IPCEF1: variants seen among roughly 807,000 people sequenced by gnomAD.
The protein encoded by IPCEF1 is interaction protein for cytohesin exchange factors 1.
A neutral mutation model predicts 50.9 loss-of-function variants in IPCEF1; 31 were observed. The ratio of observed to expected loss-of-function variants is 0.61; its 90% CI spans 0.46 to 0.82. The LOEUF (loss-of-function observed/expected upper bound fraction) is 0.82, where lower values mean the gene tolerates loss of function less well. Among genes scored for constraint, IPCEF1 ranks in the 40% least tolerant of loss-of-function variants. The probability of loss-of-function intolerance (pLI) is 0.00; values close to 1 mark genes in which losing one functional copy is unlikely to be tolerated. For missense variants in IPCEF1, 458 were observed against 514.0 expected (o/e 0.89, Z 1.05); for synonymous variants, 181 against 192.0 (o/e 0.94, Z 0.47).
chr6:154,352,216 C>T (rs1487951863), intron 1 of IPCEF1, among the ~76,000 whole-genome samples: 2 of 151,974 alleles, frequency 1.3e-5, no homozygotes, highest in East Asian at 1.9e-4. Context: ...AATAAAAGTG[C>T]AGATCACAGT....
At chr6:154,246,951 A>C (rs1041321722) in intron 4 of IPCEF1, 191 bp from the exon 5 acceptor site, 3 of 536,974 alleles carry the variant, frequency 5.6e-6, no homozygotes, top group Non-Finnish European at 9.0e-6. Flanking sequence ...AAAAAAAAAA[A>C]AGCCATGTGT....
chr6:154,208,778 G>T (rs1386077165), intron 9 of IPCEF1, among the ~76,000 whole-genome samples: 1 of 152,178 alleles, frequency 6.6e-6, no homozygotes, highest in Non-Finnish European at 1.5e-5. Flanking sequence ...ATTTGAAATA[G>T]AAAGTTGGTT....
intron 5 of IPCEF1, among the ~76,000 whole-genome samples, chr6:154,245,326 T>C (rs1446630779): frequency 6.6e-6 from 1 of 152,018 alleles, no homozygotes; most frequent in Non-Finnish European, 1.5e-5. Flanking sequence ...AAAGAGGAGC[T>C]TTGTGCCACA....
chr6:154,313,067 C>CAAAA (rs71021040), intron 1 of IPCEF1, among the ~76,000 whole-genome samples: 4 of 59,060 alleles, frequency 6.8e-5, no homozygotes, highest in African/African-American at 1.0e-4. Flanking sequence ...GGCCCTGTCT[C>CAAAA]AAAAAAAAAA....
intron 5 of IPCEF1, among the ~76,000 whole-genome samples, chr6:154,225,781 G>A (rs1005219917): frequency 1.3e-5 from 2 of 152,160 alleles, no homozygotes; most frequent in African/African-American, 4.8e-5. Flanking sequence ...ATCTATGTTA[G>A]GCTAAGGCGT....
chr6:154,207,604 T>C (rs1583799298), intron 9 of IPCEF1, among the ~76,000 whole-genome samples: 4 of 152,308 alleles, frequency 2.6e-5, no homozygotes, highest in East Asian at 3.9e-4. Flanking sequence ...GGTTTCACCA[T>C]GTTGCCCAGG....
At chr6:154,293,390 G>A (rs1177989261) in intron 1 of IPCEF1, among the ~76,000 whole-genome samples, 4 of 152,164 alleles carry the variant, frequency 2.6e-5, no homozygotes, top group East Asian at 3.8e-4. Context: ...AGATCTTCAA[G>A]AAAATAGGCT....
chr6:154,331,782 T>C (rs946129670), intron 1 of IPCEF1, among the ~76,000 whole-genome samples: 3 of 152,104 alleles, frequency 2.0e-5, no homozygotes, highest in Non-Finnish European at 4.4e-5. Flanking sequence ...TAAACACATA[T>C]GCATGCAGCC....
chr6:154,343,498 C>T (rs1023744637), intron 1 of IPCEF1, among the ~76,000 whole-genome samples: 3 of 152,146 alleles, frequency 2.0e-5, no homozygotes, highest in Non-Finnish European at 4.4e-5. Context: ...CCAAAATGCT[C>T]CACTTCCCTG....
intron 5 of IPCEF1, among the ~76,000 whole-genome samples, chr6:154,232,434 T>C (rs1779796191): frequency 6.6e-6 from 1 of 152,144 alleles, no homozygotes; most frequent in Admixed American, 6.5e-5. Context: ...GATCACAGCC[T>C]TAAGAGGAAA....
chr6:154,282,777 A>G (rs1344728930), intron 2 of IPCEF1, among the ~76,000 whole-genome samples: 1 of 152,224 alleles, frequency 6.6e-6, no homozygotes, highest in African/African-American at 2.4e-5. Flanking sequence ...AGTCAAGATA[A>G]TCAGGAAATT....
chr6:154,238,436 T>C lies in IPCEF1; in HGVS notation c.246+8155A>G, dbSNP rs1780314161. On this transcript the variant is annotated intron_variant, in intron 5 of 11. Transcript: ENST00000367220. ...ATACTGGGCTAATTTTGTATATATA[T>C]ATATATTTTAATACAGACAGGGTTT... 2.0e-5 allele frequency among the ~76,000 whole-genome samples: 3 copies of C among 152,002 alleles called. No individual in the cohort carries two copies. The South Asian group carries it at 6.2e-4, about 31-fold the overall frequency.
rs1287063902 is a variant in IPCEF1 at position 154,345,717 on chromosome 6, TATC to T, written c.-62+10952_-62+10954del. On this transcript the variant is annotated intron_variant, in intron 1 of 11. Transcript: ENST00000367220. ...ATATCTGAGCTTTCCTATGGTCAGT[TATC>T]ATAAAGAAAGAAATCTCTTCACTTA... Among the ~76,000 whole-genome samples the T allele has an allele frequency of 2.6e-5, 4 of 152,200 alleles. 1 individual carries two copies. Among genetic ancestry groups the T allele is most frequent in the Middle Eastern group, 6.3e-3 (2 of 316 alleles).
chr6:154,333,523 G>A (rs1171328526), intron 1 of IPCEF1, among the ~76,000 whole-genome samples: 2 of 151,252 alleles, frequency 1.3e-5, no homozygotes, highest in Non-Finnish European at 2.9e-5. Context: ...GTGATCGTGG[G>A]AGTTAATATA....
At chr6:154,275,911 G>C (rs1177513716) in intron 2 of IPCEF1, among the ~76,000 whole-genome samples, 1 of 152,064 alleles carries the variant, frequency 6.6e-6, no homozygotes, top group African/African-American at 2.4e-5. Context: ...CGGGCACAGT[G>C]ACTCACGCCT....
chr6:154,288,296 C>T (rs561339996), intron 2 of IPCEF1, among the ~76,000 whole-genome samples: 193 of 152,302 alleles, frequency 1.3e-3, no homozygotes, highest in African/African-American at 4.5e-3. Context: ...TAAGTTAATA[C>T]GCTAATACTT....
chr6:154,314,159 A>C (rs914844622), intron 1 of IPCEF1, among the ~76,000 whole-genome samples: 12 of 152,198 alleles, frequency 7.9e-5, no homozygotes, highest in Admixed American at 2.6e-4. Context: ...ATTTTTGTAC[A>C]TTTATAATTA....
At chr6:154,165,025 ATTAT>A (rs780847549) in intron 11 of IPCEF1, among the ~76,000 whole-genome samples, 4 of 152,138 alleles carry the variant, frequency 2.6e-5, no homozygotes, top group Non-Finnish European at 5.9e-5. Flanking sequence ...AAATATAAAC[ATTAT>A]TGTTAAAACA....
In IPCEF1 at chr6:154,355,974, A is replaced by G. The variant is rs560046225; in HGVS notation, c.-62+698T>C. ...AGCCCTCGGTTTCAATTTTCTACAT[A>G]AAATAAATAACTCGATAGAAATTAG... On this transcript the variant is annotated intron_variant, in intron 1 of 11. Coordinates refer to ENST00000367220, the MANE Select transcript of IPCEF1 (RefSeq NM_001130700.2). Among the ~76,000 whole-genome samples, 4 of 152,218 alleles carry G rather than the reference A, an allele frequency of 2.6e-5. No homozygotes were observed. In the South Asian group the frequency reaches 6.2e-4, roughly 24 times the overall value.
Sources: gnomAD v4.1 joint callset for allele counts (sites outside exome capture counted in the v4.1 genomes callset) on GRCh38, gnomAD v4.1.1 for gene constraint, MANE v1.5 for transcripts, NCBI Gene and HGNC (gene_info 2026-07-23, HGNC 2026-07-21) for gene names.